HNRNPR: variants seen among roughly 807,000 people sequenced by gnomAD.
HNRNPR encodes the protein heterogeneous nuclear ribonucleoprotein R.
HNRNPR carries 4 observed loss-of-function variants against 70.3 expected under a neutral mutation model. The observed-to-expected ratio is 0.06, with a 90% CI of 0.03 to 0.13. HNRNPR has a LOEUF of 0.13. Among genes scored for constraint, HNRNPR ranks in the 10% least tolerant of loss-of-function variants. The pLI is 1.00. For missense variants in HNRNPR, 423 were observed against 788.5 expected (o/e 0.54, Z 5.55); for synonymous variants, 241 against 267.6 (o/e 0.90, Z 0.97).
intron 5 of HNRNPR, among the ~76,000 whole-genome samples, chr1:23,327,370 T>C (rs141836329): frequency 2.6e-4 from 40 of 152,308 alleles, no homozygotes; most frequent in Admixed American, 7.2e-4. Flanking sequence ...GAAGTTTATA[T>C]TCTACTGAGA....
At chr1:23,337,951 G>A (rs1434529418) in intron 3 of HNRNPR, 90 bp from the exon 4 acceptor site, 8 of 804,848 alleles carry the variant, frequency 9.9e-6, no homozygotes, top group Middle Eastern at 2.3e-4. Context: ...AGAAAACCAG[G>A]ATTTTAACAA....
chr1:23,326,002 A>G (rs749414000), intron 5 of HNRNPR, among the ~76,000 whole-genome samples: 8 of 152,076 alleles, frequency 5.3e-5, no homozygotes, highest in Non-Finnish European at 7.4e-5. Context: ...CTGGGACCAG[A>G]GGCTCTTGCC....
At chr1:23,316,584 T>C (rs1280887129) in intron 8 of HNRNPR, among the ~76,000 whole-genome samples, 1 of 152,118 alleles carries the variant, frequency 6.6e-6, no homozygotes, top group African/African-American at 2.4e-5. Context: ...ATTCCTCTAT[T>C]ATAATACATC....
At chr1:23,322,947 G>A (rs961490051) in intron 6 of HNRNPR, among the ~76,000 whole-genome samples, 4 of 152,122 alleles carry the variant, frequency 2.6e-5, no homozygotes, top group Non-Finnish European at 5.9e-5. Flanking sequence ...AGCACCAAGT[G>A]GTTAAAGGCC....
At chr1:23,335,019 G>A (rs568924430) in intron 4 of HNRNPR, among the ~76,000 whole-genome samples, 2 of 152,068 alleles carry the variant, frequency 1.3e-5, no homozygotes, top group East Asian at 1.9e-4. Flanking sequence ...CCGGGTTCAC[G>A]CCATTCTCCT....
intron 4 of HNRNPR, among the ~76,000 whole-genome samples, chr1:23,336,905 T>C (rs962630723): frequency 4.6e-5 from 7 of 152,136 alleles, no homozygotes; most frequent in Admixed American, 2.6e-4. Context: ...AGTAATAAAA[T>C]GGTAATAATA....
chr1:23,315,487 G>A (rs1645505902), intron 8 of HNRNPR, among the ~76,000 whole-genome samples: 1 of 152,022 alleles, frequency 6.6e-6, no homozygotes, highest in South Asian at 2.1e-4. Context: ...TAAACAAAAG[G>A]TAGATCAGTG....
Position 23,329,263 on chromosome 1 carries a change from A to C in HNRNPR, c.498+4255T>G, listed in dbSNP as rs1646122411. 2.0e-5 allele frequency among the ~76,000 whole-genome samples: 3 copies of C among 152,384 alleles called. No homozygotes were observed. The South Asian group carries it at 6.2e-4, about 32-fold the overall frequency. ...AGAAACAGGAAATATCTTCATTTCA[A>C]GATCAATTTAACTTAGGACCTAAAA... On this transcript the variant is annotated intron_variant, in intron 5 of 10. Coordinates refer to ENST00000302271, the MANE Select transcript of HNRNPR (RefSeq NM_005826.5).
intron 5 of HNRNPR, among the ~76,000 whole-genome samples, chr1:23,332,977 A>T (rs1404721487): frequency 3.9e-5 from 6 of 152,202 alleles, no homozygotes; most frequent in Non-Finnish European, 5.9e-5. Flanking sequence ...TGAGGTCAGG[A>T]GTTCGAGACC....
intron 1 of HNRNPR, among the ~76,000 whole-genome samples, 190 bp from the exon 2 acceptor site, chr1:23,341,207 T>C (rs1429660728): frequency 2.6e-5 from 4 of 152,154 alleles, no homozygotes; most frequent in Non-Finnish European, 4.4e-5. Flanking sequence ...ATAGAAAATG[T>C]ACATGGAAGC....
intron 4 of HNRNPR, among the ~76,000 whole-genome samples, chr1:23,334,957 G>C (rs563278307): frequency 6.6e-6 from 1 of 151,214 alleles, no homozygotes; most frequent in Non-Finnish European, 1.5e-5. Context: ...TCGCTCTGTC[G>C]CTCAGGCTGG....
intron 1 of HNRNPR, among the ~76,000 whole-genome samples, chr1:23,341,569 CA>C (rs147705058): frequency 8.7e-5 from 13 of 148,790 alleles, no homozygotes; most frequent in Non-Finnish European, 1.5e-4. Flanking sequence ...AAAACGAAAA[CA>C]AAAAAAAACC....
intron 1 of HNRNPR, among the ~76,000 whole-genome samples, chr1:23,343,788 G>T (rs573512547): frequency 6.7e-6 from 1 of 149,550 alleles, no homozygotes; most frequent in East Asian, 2.1e-4. Context: ...CCTCAGGCCC[G>T]TCCGGATCAT....
At chr1:23,339,783 C>T (rs185174669) in intron 2 of HNRNPR, among the ~76,000 whole-genome samples, 236 of 152,296 alleles carry the variant, frequency 1.5e-3, no homozygotes, top group Non-Finnish European at 2.5e-3. Flanking sequence ...CCCGAAGCCA[C>T]AACTCAGGAC....
Position 23,323,696 on chromosome 1 carries a change from C to T in HNRNPR, c.535G>A (p.Asp179Asn). Residue 179 changes from aspartate to asparagine, a missense_variant, in exon 6 of 11, where the codon GAT becomes AAT. Asp to Asn is a conservative substitution (Grantham distance 23). Transcript: ENST00000302271. ...VGKIPRDLYE[D>N]ELVPLFEKAG... Reference sequence around the variant, plus strand: ...TTCTCAAAAAGGGGCACCAACTCATCCTCATATAAATCCCTTGGTATTTTG... The same window carrying T: ...TTCTCAAAAAGGGGCACCAACTCATTCTCATATAAATCCCTTGGTATTTTG... 6.2e-7 allele frequency: 1 copy of T among 1,614,112 alleles called. No homozygotes were observed. The highest frequency in any genetic ancestry group is 8.5e-7 in the Non-Finnish European group (1 of 1,179,978).
In HNRNPR at chr1:23,331,027, T is replaced by C. The variant is rs148332065; in HGVS notation, c.498+2491A>G. On this transcript the variant is annotated intron_variant, in intron 5 of 10. Coordinates refer to ENST00000302271, the MANE Select transcript of HNRNPR (RefSeq NM_005826.5). Reference sequence around the variant, plus strand: ...AGTACTTGCACAATCTCATGAACTTTAACTTTATGAGAGAAATCTGAAACT... The same window carrying C: ...AGTACTTGCACAATCTCATGAACTTCAACTTTATGAGAGAAATCTGAAACT... Among the ~76,000 whole-genome samples, 368 of 152,318 alleles carry C rather than the reference T, an allele frequency of 2.4e-3. 12 individuals are homozygous for C. In the East Asian group the frequency reaches 0.052, roughly 22 times the overall value.
In HNRNPR at chr1:23,306,034, T is replaced by G. The variant is rs1009637800; in HGVS notation, c.*4420A>C. 6.6e-6 allele frequency: 1 copy of G among 152,196 alleles called. No individual in the cohort carries two copies. Among genetic ancestry groups the G allele is most frequent in the Admixed American group, 6.5e-5 (1 of 15,280 alleles). 9.4% of individuals were successfully genotyped at this position (152,196 alleles called of 1,614,324 possible). A position where few individuals can be genotyped will look rare whatever the true frequency, so the allele number is the denominator to read the frequency against. ...CACTAAAATTAGTGTGCAATAAATA[T>G]CTCTTTAAGATGCATTATATGTTAA... is the stretch of plus-strand genomic sequence containing the variant. On this transcript the variant is annotated 3_prime_UTR_variant, in exon 11 of 11. Transcript: ENST00000302271.
At position 23,331,834 on chromosome 1, in the gene HNRNPR, TAAAAAA is replaced by T. The variant is rs59006948; in HGVS notation, c.498+1678_498+1683del. Among the ~76,000 whole-genome samples, 415 of 59,264 alleles carry T rather than the reference TAAAAAA, an allele frequency of 7.0e-3. 4 individuals are homozygous for T. Among genetic ancestry groups the T allele is most frequent in the Middle Eastern group, 0.029 (1 of 34 alleles). 38.9% of individuals were successfully genotyped at this position (59,264 alleles called of 152,430 possible). ...CTGGGTGACAGTGAGACTGTTTCTTTAAAAAAAAAAAAAAAAAAAAAAAAAAAAGGT... is the reference window on the plus strand; with the variant it reads ...CTGGGTGACAGTGAGACTGTTTCTTTAAAAAAAAAAAAAAAAAAAAAAGGT... On this transcript the variant is annotated intron_variant, in intron 5 of 10. Transcript: ENST00000302271.
rs754402206 is a variant in HNRNPR at position 23,310,451 on chromosome 1, T to C, written c.*3A>G. On this transcript the variant is annotated 3_prime_UTR_variant, in exon 11 of 11. Transcript: ENST00000302271. The surrounding 1 kb of genome is among the most constrained non-coding windows in gnomAD (Gnocchi z 6.0). ...CCAGTATCATTTTCAAGCCCTTACT[T>C]GTCTACTTCCACTGTTGCCCATAAG... The C allele has an allele frequency of 2.1e-5, 33 of 1,581,272 alleles. No individual in the cohort carries two copies. Among genetic ancestry groups the C allele is most frequent in the Admixed American group, 9.0e-5 (5 of 55,560 alleles).
Sources: allele counts gnomAD v4.1 joint callset (sites outside exome capture counted in the v4.1 genomes callset), GRCh38; gene constraint gnomAD v4.1.1; non-coding constraint Gnocchi (gnomAD v3.1); transcripts MANE v1.5; gene names NCBI Gene and HGNC (gene_info 2026-07-23, HGNC 2026-07-21).